The following FAF1 variants were observed in gnomAD, a reference collection of about 807,000 sequenced individuals.
The protein encoded by FAF1 is FAS-associated factor 1.
In FAF1, 25 loss-of-function variants were observed where a neutral mutation model predicts 92.5. The observed-to-expected ratio is 0.27, with a 90% CI of 0.20 to 0.38. The LOEUF is 0.38. Among genes scored for constraint, FAF1 ranks in the 10% least tolerant of loss-of-function variants. FAF1 has a pLI of 1.00. For synonymous variants in FAF1, 234 were observed against 273.2 expected, an observed-to-expected ratio of 0.86 and a Z score of 1.42; for missense variants, 636 against 793.3, an observed-to-expected ratio of 0.80 and a Z score of 2.38.
intron 4 of FAF1, among the ~76,000 whole-genome samples, chr1:50,776,967 T>A (rs1569930102): frequency 6.6e-6 from 1 of 151,820 alleles, no homozygotes; most frequent in African/African-American, 2.4e-5. Flanking sequence ...TAAAAAAAAA[T>A]ATACAGAATC....
At chr1:50,565,929 T>C (rs2149055723) in intron 13 of FAF1, among the ~76,000 whole-genome samples, 1 of 152,216 alleles carries the variant, frequency 6.6e-6, no homozygotes, top group South Asian at 2.1e-4. Flanking sequence ...AGACCTTCGA[T>C]GTGGCATTTT....
At chr1:50,819,613 A>C (rs1411364000) in intron 2 of FAF1, among the ~76,000 whole-genome samples, 1 of 140,884 alleles carries the variant, frequency 7.1e-6, no homozygotes, top group Non-Finnish European at 1.5e-5. Context: ...TCAACAGAGC[A>C]AGACTGACCG....
intron 3 of FAF1, among the ~76,000 whole-genome samples, chr1:50,794,001 G>A (rs1049629593): frequency 6.6e-6 from 1 of 152,128 alleles, no homozygotes; most frequent in Non-Finnish European, 1.5e-5. Flanking sequence ...CAACCAGTAC[G>A]TATAATGCAA....
At chr1:50,733,137 G>T (rs1477023281) in intron 6 of FAF1, among the ~76,000 whole-genome samples, 1 of 152,024 alleles carries the variant, frequency 6.6e-6, no homozygotes, top group Non-Finnish European at 1.5e-5. Context: ...TAACAGGCTT[G>T]CCAAAAAACC....
chr1:50,627,223 A>T (rs1459424898), intron 8 of FAF1, among the ~76,000 whole-genome samples: 1 of 152,184 alleles, frequency 6.6e-6, no homozygotes, highest in Admixed American at 6.5e-5. Context: ...TAGGAAGAAG[A>T]TACTAAGTGA....
intron 12 of FAF1, among the ~76,000 whole-genome samples, chr1:50,568,506 G>A (rs1650273729): frequency 1.3e-5 from 2 of 152,120 alleles, no homozygotes; most frequent in African/African-American, 2.4e-5. Flanking sequence ...CGTAATAGAT[G>A]AGGGTAGCCA....
chr1:50,624,005 GAAGA>G (rs1653344775), intron 8 of FAF1, among the ~76,000 whole-genome samples: 1 of 125,454 alleles, frequency 8.0e-6, no homozygotes, highest in Middle Eastern at 3.8e-3. Flanking sequence ...GAAGGAAGAA[GAAGA>G]AAGAAGAAGA....
intron 7 of FAF1, among the ~76,000 whole-genome samples, chr1:50,656,002 T>G (rs1478830731): frequency 6.6e-6 from 1 of 152,120 alleles, no homozygotes; most frequent in Non-Finnish European, 1.5e-5. Flanking sequence ...CTTCATATTT[T>G]TTATGTAAGT....
intron 15 of FAF1, among the ~76,000 whole-genome samples, chr1:50,526,909 T>C (rs565114267): frequency 6.6e-6 from 1 of 151,734 alleles, no homozygotes; most frequent in East Asian, 1.9e-4. Context: ...AGCTGGAGTG[T>C]AGTGGCGTGA....
intron 1 of FAF1, among the ~76,000 whole-genome samples, chr1:50,907,663 T>TC (rs1426584522): frequency 1.3e-5 from 2 of 152,220 alleles, no homozygotes; most frequent in African/African-American, 4.8e-5. Context: ...TAGTTTTTTT[T>TC]CATAGAGTTG....
intron 7 of FAF1, among the ~76,000 whole-genome samples, chr1:50,676,733 A>G (rs1569739828): frequency 6.6e-6 from 1 of 152,190 alleles, no homozygotes; most frequent in South Asian, 2.1e-4. Context: ...GAGGCAGGAG[A>G]ATCGCTTGAA....
At chr1:50,467,661 AT>A (rs1244234350) in intron 18 of FAF1, among the ~76,000 whole-genome samples, 1 of 152,080 alleles carries the variant, frequency 6.6e-6, no homozygotes, top group African/African-American at 2.4e-5. Context: ...TTTATTTCTT[AT>A]TTGGCTCAGG....
Position 50,531,566 on chromosome 1 carries a change from C to T in FAF1, c.1494+3803G>A, listed in dbSNP as rs546387966. ...CTCCTCACCCACTCTTTGCCAATAG[C>T]CCCTCATTAAAGCAAAAGATTTCTT... is the stretch of plus-strand genomic sequence containing the variant. On this transcript the variant is annotated intron_variant, in intron 15 of 18. Transcript: ENST00000396153. Among the ~76,000 whole-genome samples the T allele has an allele frequency of 5.3e-5, 8 of 152,226 alleles. No homozygotes were observed. In the South Asian group the frequency reaches 1.2e-3, roughly 24 times the overall value.
intron 3 of FAF1, among the ~76,000 whole-genome samples, chr1:50,800,463 T>C (rs1328965393): frequency 1.3e-5 from 2 of 152,142 alleles, no homozygotes; most frequent in Non-Finnish European, 1.5e-5. Flanking sequence ...TTCGATAGAA[T>C]TGAATGCTCT....
intron 1 of FAF1, among the ~76,000 whole-genome samples, chr1:50,947,656 A>G (rs1242788966): frequency 6.6e-6 from 1 of 152,230 alleles, no homozygotes; most frequent in African/African-American, 2.4e-5. Context: ...AATTTTACAA[A>G]GTTCTTGGCC....
At chr1:50,762,036 A>G (rs1660349275) in intron 4 of FAF1, among the ~76,000 whole-genome samples, 1 of 152,218 alleles carries the variant, frequency 6.6e-6, no homozygotes, top group Non-Finnish European at 1.5e-5. Flanking sequence ...GCATTCTTAT[A>G]TACCAATAAC....
At chr1:50,553,255 C>T (rs1420960654) in intron 13 of FAF1, among the ~76,000 whole-genome samples, 2 of 152,002 alleles carry the variant, frequency 1.3e-5, no homozygotes, top group Non-Finnish European at 1.5e-5. Context: ...TGTTTGAAAT[C>T]AAAATATATG....
intron 4 of FAF1, among the ~76,000 whole-genome samples, chr1:50,784,245 T>C (rs1403355892): frequency 6.6e-6 from 1 of 152,122 alleles, no homozygotes; most frequent in Admixed American, 6.5e-5. Flanking sequence ...ACAACTATCT[T>C]TGTTTACAGA....
At chr1:50,863,974 T>G (rs1173544772) in intron 1 of FAF1, among the ~76,000 whole-genome samples, 1 of 152,034 alleles carries the variant, frequency 6.6e-6, no homozygotes. Context: ...CTTCTAGATT[T>G]TCTAGTTTAT....
Sources: allele counts gnomAD v4.1 joint callset (sites outside exome capture counted in the v4.1 genomes callset), GRCh38; gene constraint gnomAD v4.1.1; transcripts MANE v1.5; gene names NCBI Gene and HGNC (gene_info 2026-07-23, HGNC 2026-07-21).